The following TMEM131 variants were observed in gnomAD, a reference collection of about 807,000 sequenced individuals.
TMEM131 encodes transmembrane protein 131, also known as 2610524E03Rik.
A neutral mutation model predicts 211.6 loss-of-function variants in TMEM131; 66 were observed. That is an observed-to-expected ratio of 0.31 (90% CI 0.26 to 0.38). The LOEUF is 0.38. TMEM131 is among the 10% of genes least tolerant of loss of function. The pLI, the probability that TMEM131 is intolerant of heterozygous loss-of-function variation, is 1.00. For synonymous variants in TMEM131, 844 were observed against 841.3 expected (o/e 1.00, Z -0.06); for missense variants, 2,036 against 2,299.3 (o/e 0.89, Z 2.34).
chr2:97,830,181 T>C (rs1186537417), intron 11 of TMEM131, among the ~76,000 whole-genome samples: 1 of 132,090 alleles, frequency 7.6e-6, no homozygotes, highest in East Asian at 2.1e-4. Context: ...TTAAAACCCA[T>C]TTTCCAGGGA....
intron 4 of TMEM131, among the ~76,000 whole-genome samples, chr2:97,880,931 G>A (rs1330315141): frequency 6.6e-6 from 1 of 152,190 alleles, no homozygotes; most frequent in African/African-American, 2.4e-5. Flanking sequence ...TATAGGCAGG[G>A]AAAGATCTGA....
At chr2:97,777,170 G>C (rs1679781344) in intron 31 of TMEM131, among the ~76,000 whole-genome samples, 1 of 152,224 alleles carries the variant, frequency 6.6e-6, no homozygotes, top group African/African-American at 2.4e-5. Context: ...CCAGGTTCTA[G>C]CACCTCAGAT....
intron 30 of TMEM131, 97 bp downstream of exon 30, chr2:97,793,298 C>T: frequency 2.3e-6 from 3 of 1,320,476 alleles, no homozygotes; most frequent in South Asian, 1.5e-5. Flanking sequence ...GATTTTTTTT[C>T]TCCTGAGCAA....
intron 3 of TMEM131, among the ~76,000 whole-genome samples, chr2:97,903,351 T>G (rs1675935457): frequency 6.6e-6 from 1 of 152,166 alleles, no homozygotes; most frequent in South Asian, 2.1e-4. Context: ...GACCTCAATC[T>G]TAACTTCAAT....
chr2:97,972,965 T>C (rs1216154432), intron 1 of TMEM131, among the ~76,000 whole-genome samples: 1 of 152,198 alleles, frequency 6.6e-6, no homozygotes, highest in Non-Finnish European at 1.5e-5. Flanking sequence ...AAATCTTTTT[T>C]AATTTTGTGG....
At chr2:97,956,053 G>C (rs1678551968) in intron 1 of TMEM131, among the ~76,000 whole-genome samples, 1 of 152,142 alleles carries the variant, frequency 6.6e-6, no homozygotes. Flanking sequence ...AGGAAAAAGT[G>C]ACAGAAATTA....
chr2:97,974,691 T>C (rs1413428096), intron 1 of TMEM131, among the ~76,000 whole-genome samples: 2 of 151,426 alleles, frequency 1.3e-5, no homozygotes, highest in Admixed American at 1.3e-4. Context: ...GAAGACAGTA[T>C]CTCTTTAAAG....
At chr2:97,827,694 C>T (rs1270405122) in intron 11 of TMEM131, 16 of 1,050,048 alleles carry the variant, frequency 1.5e-5, no homozygotes, top group Non-Finnish European at 2.0e-5. Flanking sequence ...CACCTCATCC[C>T]ATTTTTTAAG....
intron 5 of TMEM131, among the ~76,000 whole-genome samples, chr2:97,849,433 T>C (rs1044578393): frequency 2.6e-5 from 4 of 152,104 alleles, no homozygotes; most frequent in South Asian, 2.1e-4. Flanking sequence ...CAATATGAAA[T>C]GCATTATGCT....
At chr2:97,789,691 A>G (rs949667913) in intron 31 of TMEM131, among the ~76,000 whole-genome samples, 2 of 152,172 alleles carry the variant, frequency 1.3e-5, no homozygotes, top group African/African-American at 4.8e-5. Context: ...GTTAACAGAC[A>G]CTGAGACCCA....
intron 11 of TMEM131, among the ~76,000 whole-genome samples, chr2:97,822,624 T>C (rs1183607565): frequency 6.6e-6 from 1 of 152,152 alleles, no homozygotes; most frequent in East Asian, 1.9e-4. Context: ...GTGCAGGTTT[T>C]CGAGAATGTG....
chr2:97,822,260 G>A (rs965534970), intron 11 of TMEM131, among the ~76,000 whole-genome samples: 1 of 152,118 alleles, frequency 6.6e-6, no homozygotes, highest in Admixed American at 6.5e-5. Context: ...AAGCCCCTTC[G>A]AGGGCAGGGG....
chr2:97,917,417 C>A (rs1007152281), intron 2 of TMEM131, among the ~76,000 whole-genome samples: 1 of 152,154 alleles, frequency 6.6e-6, no homozygotes, highest in African/African-American at 2.4e-5. Context: ...GGCAATCTGG[C>A]ATAGCATGTC....
chr2:97,793,457 C>T lies in TMEM131; in HGVS notation c.3483G>A (p.Pro1161=), dbSNP rs761446202. ...CAAATGGCCTTCCCACATCGAAGGG[C>T]GGGTTCGAGGCCTCAAAGGATAGCC... ...RRRLSFEASN[P]PFDVGRPFDL... is the part of the protein sequence containing the mutation. Residue 1161 remains proline (P), a synonymous_variant, in exon 30 of 41, where the codon CCG becomes CCA. Transcript: ENST00000186436. 1.3e-5 allele frequency: 21 copies of T among 1,613,832 alleles called. No homozygotes were observed. Among genetic ancestry groups the T allele is most frequent in the African/African-American group, 4.0e-5 (3 of 74,916 alleles).
chr2:97,840,030 T>G (rs1215158890), intron 7 of TMEM131, among the ~76,000 whole-genome samples: 1 of 152,248 alleles, frequency 6.6e-6, no homozygotes, highest in Non-Finnish European at 1.5e-5. Context: ...TTTACAATCT[T>G]TTCTTACTGT....
intron 2 of TMEM131, among the ~76,000 whole-genome samples, chr2:97,918,092 T>G (rs898440725): frequency 1.3e-5 from 2 of 152,062 alleles, no homozygotes; most frequent in African/African-American, 4.8e-5. Flanking sequence ...TACAGGCGCA[T>G]GCCACCATGC....
chr2:97,899,339 C>G (rs986378362), intron 3 of TMEM131, among the ~76,000 whole-genome samples: 1 of 152,076 alleles, frequency 6.6e-6, no homozygotes. Context: ...GGAGAAGACA[C>G]TTGCAAAATA....
chr2:97,761,073 A>G, intron 36 of TMEM131, 159 bp from the exon 37 acceptor site: 2 of 890,140 alleles, frequency 2.2e-6, no homozygotes. Flanking sequence ...GGGGCCTCAG[A>G]CTGCTTAATC....
chr2:97,888,241 A>C (rs1330559749), intron 3 of TMEM131, 121 bp from the exon 4 acceptor site: 16 of 644,604 alleles, frequency 2.5e-5, no homozygotes, highest in Non-Finnish European at 4.1e-5. Flanking sequence ...TGGGTCTAAC[A>C]ATCTATCAGA....
Sources: gnomAD v4.1 joint callset for allele counts (sites outside exome capture counted in the v4.1 genomes callset) on GRCh38, gnomAD v4.1.1 for gene constraint, MANE v1.5 for transcripts, NCBI Gene and HGNC (gene_info 2026-07-23, HGNC 2026-07-21) for gene names.